The following ZSCAN32 variants were observed in gnomAD, a reference collection of about 807,000 sequenced individuals.
The protein encoded by ZSCAN32 is zinc finger and SCAN domain-containing protein 32.
A neutral mutation model predicts 47.4 loss-of-function variants in ZSCAN32; 52 were observed. That is an observed-to-expected ratio of 1.10 (90% CI 0.88 to 1.38). ZSCAN32 has a LOEUF of 1.38. Among genes scored for constraint, ZSCAN32 ranks in the 40% most tolerant of loss-of-function variants. ZSCAN32 has a pLI of 0.00. For missense variants in ZSCAN32, 959 were observed against 846.0 expected, an observed-to-expected ratio of 1.13 and a Z score of -1.66; for synonymous variants, 346 against 305.7, an observed-to-expected ratio of 1.13 and a Z score of -1.38.
intron 3 of ZSCAN32, among the ~76,000 whole-genome samples, chr16:3,391,917 C>A (rs558745288): frequency 6.6e-6 from 1 of 152,262 alleles, no homozygotes; most frequent in South Asian, 2.1e-4. Context: ...GGCAACAGAG[C>A]AAGACCCTGT....
At chr16:3,391,283 A>G (rs1164814803) in intron 3 of ZSCAN32, among the ~76,000 whole-genome samples, 12 of 152,202 alleles carry the variant, frequency 7.9e-5, no homozygotes, top group African/African-American at 2.9e-4. Flanking sequence ...CTTGGAAATC[A>G]CACACAGAGA....
chr16:3,383,432 T>C lies in ZSCAN32; in HGVS notation c.1514A>G (p.Gln505Arg), dbSNP rs1055334940. 8.1e-6 allele frequency: 13 copies of C among 1,614,084 alleles called. No homozygotes were observed. The highest frequency in any genetic ancestry group is 3.3e-4 in the Middle Eastern group (2 of 6,084). ...THILCGKNCS[Q>R]SVHSPHKPAL... ...TGGCTTGTGGGGAGAGTGCACACTC[T>C]GAGAGCAGTTTTTCCCACAGAGGAT... The change falls in exon 7 of 7, where the codon CAG becomes CGG. Residue 505 changes from glutamine to arginine, a missense_variant. Transcript: ENST00000396852.
At chr16:3,392,253 A>G (rs2032794368) in intron 3 of ZSCAN32, among the ~76,000 whole-genome samples, 1 of 152,206 alleles carries the variant, frequency 6.6e-6, no homozygotes, top group African/African-American at 2.4e-5. Context: ...CGGGAGGATA[A>G]AAATGTTTTG....
chr16:3,389,898 C>T, intron 5 of ZSCAN32, 112 bp downstream of exon 5: 1 of 1,138,696 alleles, frequency 8.8e-7, no homozygotes, highest in Non-Finnish European at 1.2e-6. Context: ...CCTCCTTTCC[C>T]TCCACCCAAC....
chr16:3,386,789 T>G (rs1484286768), intron 5 of ZSCAN32, among the ~76,000 whole-genome samples: 1 of 151,984 alleles, frequency 6.6e-6, no homozygotes, highest in Non-Finnish European at 1.5e-5. Context: ...GGAGGCCTGT[T>G]GTGGGGTGGG....
At chr16:3,385,602 A>G (rs1371507089) in intron 5 of ZSCAN32, among the ~76,000 whole-genome samples, 2 of 152,158 alleles carry the variant, frequency 1.3e-5, no homozygotes, top group Non-Finnish European at 2.9e-5. Flanking sequence ...AGAGAAATAG[A>G]CCAATGGAAC....
rs2031435049 is a variant in ZSCAN32, at chr16:3,383,096, CTGT to C, written c.1847_1849del (p.Asn616del). ...GCGCCGGTGAGCACTGAACTGGGAACTGTTGTTGAATCTCTTTCCACAGACAAT... is the reference window on the plus strand; with the variant it reads ...GCGCCGGTGAGCACTGAACTGGGAACTGTTGAATCTCTTTCCACAGACAAT... On this transcript the variant is annotated inframe_deletion, in exon 7 of 7. Coordinates refer to ENST00000396852, the MANE Select transcript of ZSCAN32 (RefSeq NM_001284527.2). 6.2e-7 allele frequency: 1 copy of C among 1,614,198 alleles called. No homozygotes were observed. Among genetic ancestry groups the C allele is most frequent in the South Asian group, 1.1e-5 (1 of 91,086 alleles).
chr16:3,393,638 C>T lies in ZSCAN32; in HGVS notation c.532+11G>A. On this transcript the variant is annotated intron_variant, in intron 3 of 6. Coordinates refer to ENST00000396852, the MANE Select transcript of ZSCAN32 (RefSeq NM_001284527.2). ...CACCTGCCTCAGGTGAGGACAGAGGCTTCTGCTTACCTTCTGACTGTTCCC... is the reference window on the plus strand; with the variant it reads ...CACCTGCCTCAGGTGAGGACAGAGGTTTCTGCTTACCTTCTGACTGTTCCC... 6.5e-7 allele frequency: 1 copy of T among 1,540,602 alleles called. No individual in the cohort carries two copies. Among genetic ancestry groups the T allele is most frequent in the Admixed American group, 2.0e-5 (1 of 50,446 alleles).
At chr16:3,385,249 C>A (rs1041813044) in intron 5 of ZSCAN32, among the ~76,000 whole-genome samples, 1 of 152,086 alleles carries the variant, frequency 6.6e-6, no homozygotes, top group Non-Finnish European at 1.5e-5. Context: ...TCACTTGAAC[C>A]CAGGAGGCAG....
In ZSCAN32 at chr16:3,388,036, T is replaced by C. The variant is rs538775755; in HGVS notation, c.751+1974A>G. ...GTAGGGCCTCATGATCCCATATTAG[T>C]ACTTCTCAAATTATCTATGAAGGAC... On this transcript the variant is annotated intron_variant, in intron 5 of 6. Coordinates refer to ENST00000396852, the MANE Select transcript of ZSCAN32 (RefSeq NM_001284527.2). Among the ~76,000 whole-genome samples, 5 of 152,354 alleles carry C rather than the reference T, an allele frequency of 3.3e-5. No individual in the cohort carries two copies. The East Asian group carries it at 9.6e-4, about 29-fold the overall frequency.
Position 3,390,530 on chromosome 16 carries a change from A to G in ZSCAN32, c.533-13T>C, listed in dbSNP as rs764305178. The G allele has an allele frequency of 1.9e-6, 3 of 1,547,262 alleles. No individual in the cohort carries two copies. Among genetic ancestry groups the G allele is most frequent in the South Asian group, 1.2e-5 (1 of 83,934 alleles). On this transcript the variant is annotated splice_polypyrimidine_tract_variant and intron_variant, in intron 3 of 6. Coordinates refer to ENST00000396852, the MANE Select transcript of ZSCAN32 (RefSeq NM_001284527.2). The stretch of plus-strand genomic sequence containing the variant: ...GGAGCAAGCCAGGCTGGGGGAAAAA[A>G]CAGCCGCTATTAGAGGGCGGCTTCC...
intron 4 of ZSCAN32, 59 bp downstream of exon 4, chr16:3,390,364 G>C: frequency 6.9e-7 from 1 of 1,459,142 alleles, no homozygotes; most frequent in Non-Finnish European, 9.3e-7. Flanking sequence ...CTGGAAAGGA[G>C]GAGGGTTTTG....
chr16:3,390,102 G>T lies in ZSCAN32; in HGVS notation c.659C>A (p.Ser220Tyr). ...GPAMRDNRAV[S>Y]LCQQEWMCPG... ...GCACATCCATTCTTGCTGACAGAGG[G>T]ATACAGCTCTGTTGTCACGCATGGC... Residue 220 changes from serine (S) to tyrosine (Y), a missense_variant, in exon 5 of 7, where the codon TCC becomes TAC. Ser to Tyr is a moderately radical substitution (Grantham distance 144). Transcript: ENST00000396852. 1 of 1,613,656 alleles carries T rather than the reference G, an allele frequency of 6.2e-7. No individual in the cohort carries two copies. The highest frequency in any genetic ancestry group is 8.5e-7 in the Non-Finnish European group (1 of 1,179,802).
chr16:3,393,751 T>C lies in ZSCAN32; in HGVS notation c.430A>G (p.Arg144Gly). ...TTCCATTGGGATCTCAGTGATTCTC[T>C]GGTTGCTCCCAAAGGGGCCATCTCC... ...MKEMAPLGAT[R>G]ESLRSQWKQE... Residue 144 changes from arginine (R) to glycine (G), a missense_variant, in exon 3 of 7, where the codon AGA becomes GGA. Transcript: ENST00000396852. 6.4e-7 allele frequency: 1 copy of C among 1,550,514 alleles called. No individual in the cohort carries two copies. The highest frequency in any genetic ancestry group is 8.7e-7 in the Non-Finnish European group (1 of 1,146,940).
intron 3 of ZSCAN32, 47 bp from the exon 4 acceptor site, chr16:3,390,564 G>A: frequency 6.9e-7 from 1 of 1,457,726 alleles, no homozygotes; most frequent in Non-Finnish European, 9.4e-7. Context: ...CCACACAACA[G>A]CACAGAGCAG....
In ZSCAN32 at chr16:3,384,576, G is replaced by A. The variant is rs1337321660; in HGVS notation, c.1117C>T (p.Pro373Ser). ...ACAGTGCCATCTTCTACCTCCGTGG[G>A]TTCCCCATTCTGGTGATTCAGCTCT... Reference protein sequence around the residue: ...AGELNHQNGEPTEVEDGTVDG... With the variant: ...AGELNHQNGESTEVEDGTVDG... Residue 373 changes from proline to serine, a missense_variant, in exon 6 of 7, where the codon CCC (proline) becomes TCC (serine). Physicochemically the swap from Pro to Ser is moderately conservative, Grantham distance 74. Coordinates refer to ENST00000396852, the MANE Select transcript of ZSCAN32 (RefSeq NM_001284527.2). The A allele has an allele frequency of 1.2e-6, 2 of 1,614,134 alleles. No homozygotes were observed. The highest frequency in any genetic ancestry group is 1.7e-5 in the Admixed American group (1 of 60,018).
chr16:3,389,162 C>A (rs27236), intron 5 of ZSCAN32, among the ~76,000 whole-genome samples: 133,217 of 152,214 alleles, frequency 0.88, 58,325 homozygotes, highest in South Asian at 0.93. Flanking sequence ...AAGCCTGAAG[C>A]AGCAGCAAGA....
Position 3,384,501 on chromosome 16 carries a change from CTTCCTGGCCAGGA to C in ZSCAN32, c.1179_1191del (p.Asn393LysfsTer5). 1 of 1,614,170 alleles carries C rather than the reference CTTCCTGGCCAGGA, an allele frequency of 6.2e-7. No individual in the cohort carries two copies. The highest frequency in any genetic ancestry group is 8.5e-7 in the Non-Finnish European group (1 of 1,180,028). Reference sequence around the variant, plus strand: ...AGCACTGGCAGGTCTAGTTTCCTGACTTCCTGGCCAGGATTCCTGAAGTCCTTTTCATCCCTGT... The same window carrying C: ...AGCACTGGCAGGTCTAGTTTCCTGACTTCCTGAAGTCCTTTTCATCCCTGT... On this transcript the variant is annotated frameshift_variant, in exon 6 of 7. Transcript: ENST00000396852. LOFTEE classifies it low-confidence loss of function (END_TRUNC).
At chr16:3,393,239 T>TATA (rs372485512) in intron 3 of ZSCAN32, among the ~76,000 whole-genome samples, 10 of 18,632 alleles carry the variant, frequency 5.4e-4, no homozygotes, top group African/African-American at 3.3e-3. Flanking sequence ...AATTTATATA[T>TATA]TTTATATATA....
Sources: gnomAD v4.1 joint callset for allele counts (sites outside exome capture counted in the v4.1 genomes callset) on GRCh38, gnomAD v4.1.1 for gene constraint, MANE v1.5 for transcripts, NCBI Gene and HGNC (gene_info 2026-07-23, HGNC 2026-07-21) for gene names.